KCNMA1: variants seen among roughly 807,000 people sequenced by gnomAD.
KCNMA1 encodes the protein potassium calcium-activated channel subfamily M alpha 1.
In KCNMA1, 29 loss-of-function variants were observed where a neutral mutation model predicts 140.0. The ratio of observed to expected loss-of-function variants is 0.21; its 90% CI spans 0.15 to 0.28. The LOEUF (loss-of-function observed/expected upper bound fraction) is 0.28. KCNMA1 is among the 10% of genes least tolerant of loss of function. The pLI, the probability that KCNMA1 is intolerant of heterozygous loss-of-function variation, is 1.00. For synonymous variants in KCNMA1, 612 were observed against 611.9 expected, an observed-to-expected ratio of 1.00 and a Z score of 0.00; for missense variants, 880 against 1,602.2, an observed-to-expected ratio of 0.55 and a Z score of 7.70.
chr10:77,418,320 A>ACC (rs2096788341), intron 1 of KCNMA1, among the ~76,000 whole-genome samples: 1 of 151,898 alleles, frequency 6.6e-6, no homozygotes, highest in Non-Finnish European at 1.5e-5. Context: ...ATGGCCTGGG[A>ACC]CCCCTCCAAC....
chr10:77,021,894 C>T (rs1012496510), intron 16 of KCNMA1, among the ~76,000 whole-genome samples: 10 of 152,302 alleles, frequency 6.6e-5, no homozygotes, highest in East Asian at 3.9e-4. Context: ...ATGCTCTTGG[C>T]GCTGAAGCAC....
At chr10:77,561,943 A>T (rs1028964782) in intron 1 of KCNMA1, among the ~76,000 whole-genome samples, 32 of 152,234 alleles carry the variant, frequency 2.1e-4, no homozygotes, top group African/African-American at 7.7e-4. Context: ...TCGGGGCTGG[A>T]AAGAACTCTT....
intron 1 of KCNMA1, among the ~76,000 whole-genome samples, chr10:77,605,791 A>G (rs1268572499): frequency 6.6e-6 from 1 of 152,228 alleles, no homozygotes; most frequent in Non-Finnish European, 1.5e-5. Flanking sequence ...GAAATGGCTC[A>G]CACTTGGTAG....
At chr10:77,553,991 G>A (rs1043649491) in intron 1 of KCNMA1, among the ~76,000 whole-genome samples, 2 of 150,382 alleles carry the variant, frequency 1.3e-5, no homozygotes, top group African/African-American at 4.9e-5. Context: ...TTTTTTTAAG[G>A]TTCCAACAGA....
intron 1 of KCNMA1, among the ~76,000 whole-genome samples, chr10:77,448,906 G>A (rs1432488464): frequency 6.6e-6 from 1 of 152,008 alleles, no homozygotes; most frequent in Non-Finnish European, 1.5e-5. Context: ...GACTAACATG[G>A]TGAAACCCCG....
chr10:77,208,580 A>G (rs2044950930), intron 3 of KCNMA1, among the ~76,000 whole-genome samples: 1 of 152,254 alleles, frequency 6.6e-6, no homozygotes, highest in East Asian at 1.9e-4. Flanking sequence ...TCCTGGAGCT[A>G]TGCATAAACC....
intron 3 of KCNMA1, among the ~76,000 whole-genome samples, chr10:77,196,281 T>C (rs1474811081): frequency 6.6e-6 from 1 of 152,178 alleles, no homozygotes; most frequent in Non-Finnish European, 1.5e-5. Context: ...TTTCATTTTA[T>C]GAGGAATCAC....
intron 25 of KCNMA1, among the ~76,000 whole-genome samples, chr10:76,892,402 TA>T (rs2040516269): frequency 6.6e-6 from 1 of 152,124 alleles, no homozygotes; most frequent in Admixed American, 6.5e-5. Context: ...ATCTGAAACA[TA>T]ACAGATCTGT....
intron 23 of KCNMA1, among the ~76,000 whole-genome samples, chr10:76,924,962 C>T (rs1014604243): frequency 3.3e-5 from 5 of 152,128 alleles, no homozygotes; most frequent in African/African-American, 9.7e-5. Flanking sequence ...CTCCCACCAG[C>T]CTTACCCACT....
At position 77,007,673 on chromosome 10, in the gene KCNMA1, A is replaced by ATATATG. The variant is rs201799760; in HGVS notation, c.2092+4293_2092+4294insCATATA. ...TGTGTGTATATATATATATATATAT[A>ATATATG]TATGTATCACAACATGGGAATATAT... On this transcript the variant is annotated intron_variant, in intron 18 of 27. Transcript: ENST00000286628. 1.5e-3 allele frequency among the ~76,000 whole-genome samples: 207 copies of ATATATG among 142,504 alleles called. 8 individuals carry two copies. Among genetic ancestry groups the ATATATG allele is most frequent in the African/African-American group, 4.9e-3 (187 of 38,396 alleles). The allele number at this position is 142,504 out of a possible 152,430, so 93.5% of individuals were successfully genotyped here.
At chr10:76,924,861 A>C (rs1247693398) in intron 23 of KCNMA1, among the ~76,000 whole-genome samples, 1 of 152,138 alleles carries the variant, frequency 6.6e-6, no homozygotes, top group East Asian at 1.9e-4. Context: ...CAAGAAACCC[A>C]CAATGCCCCA....
intron 1 of KCNMA1, among the ~76,000 whole-genome samples, chr10:77,592,177 T>C (rs1231869783): frequency 6.6e-6 from 1 of 152,122 alleles, no homozygotes; most frequent in Non-Finnish European, 1.5e-5. Flanking sequence ...ACCCATATGC[T>C]TTAACCATTA....
chr10:77,152,266 GT>G (rs1381144288), intron 5 of KCNMA1, among the ~76,000 whole-genome samples: 1 of 128,838 alleles, frequency 7.8e-6, no homozygotes, highest in African/African-American at 2.9e-5. Flanking sequence ...AGACTCTTCT[GT>G]TTTTTTGCTT....
At chr10:77,219,299 G>A (rs948163231) in intron 3 of KCNMA1, among the ~76,000 whole-genome samples, 11 of 152,236 alleles carry the variant, frequency 7.2e-5, no homozygotes, top group East Asian at 3.9e-4. Flanking sequence ...ATCCTAAGAC[G>A]TTCATTTCTT....
chr10:76,950,884 A>T (rs1591711325), intron 21 of KCNMA1, among the ~76,000 whole-genome samples: 1 of 152,206 alleles, frequency 6.6e-6, no homozygotes, highest in East Asian at 1.9e-4. Flanking sequence ...AACTGTGACC[A>T]AGGAAGACCC....
At chr10:77,396,887 T>C (rs1187351331) in intron 2 of KCNMA1, among the ~76,000 whole-genome samples, 2 of 152,208 alleles carry the variant, frequency 1.3e-5, no homozygotes, top group African/African-American at 4.8e-5. Flanking sequence ...TTCTAAGGGC[T>C]CTCTCTAGCT....
At chr10:77,144,001 T>G (rs1288467188) in intron 5 of KCNMA1, among the ~76,000 whole-genome samples, 2 of 152,172 alleles carry the variant, frequency 1.3e-5, no homozygotes, top group Non-Finnish European at 2.9e-5. Context: ...TATCTTCCTT[T>G]GGAAAACTGG....
chr10:77,573,056 C>T (rs2072305032), intron 1 of KCNMA1, among the ~76,000 whole-genome samples: 1 of 152,184 alleles, frequency 6.6e-6, no homozygotes, highest in Non-Finnish European at 1.5e-5. Flanking sequence ...TAAAAACACT[C>T]ACTTTTCAGA....
chr10:76,974,596 G>T (rs756004769), intron 19 of KCNMA1: 16 of 1,452,282 alleles, frequency 1.1e-5, no homozygotes, highest in Non-Finnish European at 1.2e-5. Flanking sequence ...AAGGAGAAAA[G>T]AAAATGGAAA....
Sources: gnomAD v4.1 joint callset for allele counts (sites outside exome capture counted in the v4.1 genomes callset) on GRCh38, gnomAD v4.1.1 for gene constraint, MANE v1.5 for transcripts, NCBI Gene and HGNC (gene_info 2026-07-23, HGNC 2026-07-21) for gene names.